ATRNL1: variants seen among roughly 807,000 people sequenced by gnomAD.
ATRNL1 encodes attractin like 1, also known as attractin-like protein 1.
In ATRNL1, 95 loss-of-function variants were observed where a neutral mutation model predicts 182.7. The ratio of observed to expected loss-of-function variants is 0.52; its 90% CI spans 0.44 to 0.62. The LOEUF is 0.62. ATRNL1 is among the 20% of genes least tolerant of loss of function. The pLI, the probability that ATRNL1 is intolerant of heterozygous loss-of-function variation, is 0.00. For missense variants in ATRNL1, 1,471 were observed against 1,679.5 expected, an observed-to-expected ratio of 0.88 and a Z score of 2.17; for synonymous variants, 576 against 568.3, an observed-to-expected ratio of 1.01 and a Z score of -0.19.
chr10:115,643,915 A>C (rs1335844672), intron 26 of ATRNL1, among the ~76,000 whole-genome samples: 1 of 152,200 alleles, frequency 6.6e-6, no homozygotes, highest in Non-Finnish European at 1.5e-5. Flanking sequence ...GGCAGTTTTT[A>C]AGTATAGTTA....
intron 19 of ATRNL1, among the ~76,000 whole-genome samples, chr10:115,347,464 T>C (rs534598828): frequency 7.9e-5 from 12 of 152,246 alleles, no homozygotes; most frequent in South Asian, 4.1e-4. Flanking sequence ...TTATAAAGCA[T>C]GGAAAGTAAA....
chr10:115,651,642 G>A lies in ATRNL1; in HGVS notation c.3796-75606G>A, dbSNP rs140461373. 2.4e-4 allele frequency among the ~76,000 whole-genome samples: 36 copies of A among 152,296 alleles called. No individual in the cohort carries two copies. In the East Asian group the frequency reaches 4.6e-3, roughly 20 times the overall value. On this transcript the variant is annotated intron_variant, in intron 26 of 28. Coordinates refer to ENST00000355044, the MANE Select transcript of ATRNL1 (RefSeq NM_207303.4). ...GAATTTAAAGAAAATGAAAATGTGA[G>A]CAAGGCATTCGTGAAACTAATACAG... is the stretch of plus-strand genomic sequence containing the variant.
chr10:115,309,133 G>GT (rs782026863), intron 17 of ATRNL1, among the ~76,000 whole-genome samples: 1 of 151,876 alleles, frequency 6.6e-6, no homozygotes, highest in Non-Finnish European at 1.5e-5. Context: ...ATTTTTCTAT[G>GT]TATCTACTTT....
At chr10:115,153,173 A>T (rs556371597) in intron 5 of ATRNL1, among the ~76,000 whole-genome samples, 152 of 152,240 alleles carry the variant, frequency 1.0e-3, no homozygotes, top group Non-Finnish European at 1.8e-3. Flanking sequence ...TTGGTCTAAA[A>T]TTCTCTTTTT....
At chr10:115,448,129 A>G (rs1307867253) in intron 21 of ATRNL1, among the ~76,000 whole-genome samples, 3 of 151,896 alleles carry the variant, frequency 2.0e-5, no homozygotes, top group African/African-American at 4.8e-5. Flanking sequence ...ACTAGTTTTA[A>G]TGTAATAAAT....
At chr10:115,813,255 T>G (rs1441971892) in intron 27 of ATRNL1, among the ~76,000 whole-genome samples, 5 of 152,038 alleles carry the variant, frequency 3.3e-5, no homozygotes, top group Non-Finnish European at 4.4e-5. Flanking sequence ...TAAATTAAAT[T>G]TTTAAAAAAT....
intron 18 of ATRNL1, among the ~76,000 whole-genome samples, chr10:115,329,023 T>G (rs1554934255): frequency 6.6e-6 from 1 of 151,716 alleles, no homozygotes; most frequent in Admixed American, 6.6e-5. Flanking sequence ...TATATTTTTA[T>G]TTTTTTTGAG....
chr10:115,324,454 T>C (rs1854765282), intron 18 of ATRNL1, among the ~76,000 whole-genome samples: 1 of 152,212 alleles, frequency 6.6e-6, no homozygotes, highest in Non-Finnish European at 1.5e-5. Flanking sequence ...TAACCTGGGT[T>C]GTGGATGTAT....
chr10:115,698,864 G>A (rs2133989909), intron 26 of ATRNL1, among the ~76,000 whole-genome samples: 1 of 152,028 alleles, frequency 6.6e-6, no homozygotes, highest in East Asian at 1.9e-4. Context: ...TCGTCTCAGT[G>A]CTTTTTGTAT....
At chr10:115,154,399 T>C (rs971570054) in intron 5 of ATRNL1, among the ~76,000 whole-genome samples, 11 of 152,168 alleles carry the variant, frequency 7.2e-5, no homozygotes, top group African/African-American at 2.4e-4. Context: ...TGTTCCTGTA[T>C]TGGGTGCATA....
At chr10:115,563,958 A>T (rs1853919148) in intron 26 of ATRNL1, among the ~76,000 whole-genome samples, 1 of 152,110 alleles carries the variant, frequency 6.6e-6, no homozygotes, top group Non-Finnish European at 1.5e-5. Flanking sequence ...TCATTAGATA[A>T]GTAATTCTGT....
rs991676848 is a variant in ATRNL1, at chr10:115,925,210, T to G, written c.4019-19448T>G. ...CTCTGCAAACAGAGACAATTTTACTTCCTCTCTTCCTATTTGAATACCCTT... is the reference window on the plus strand; with the variant it reads ...CTCTGCAAACAGAGACAATTTTACTGCCTCTCTTCCTATTTGAATACCCTT... On this transcript the variant is annotated intron_variant, in intron 28 of 28. Transcript: ENST00000355044. Among the ~76,000 whole-genome samples the G allele has an allele frequency of 6.0e-4, 91 of 152,192 alleles. 1 individual carries two copies. Among genetic ancestry groups the G allele is most frequent in the African/African-American group, 2.2e-3 (91 of 41,454 alleles).
chr10:115,549,991 T>TA (rs1222965615), intron 26 of ATRNL1, among the ~76,000 whole-genome samples: 2 of 151,808 alleles, frequency 1.3e-5, no homozygotes, highest in Non-Finnish European at 2.9e-5. Context: ...TTTTCCATTT[T>TA]CTGATTATCT....
At chr10:115,266,734 C>A in intron 11 of ATRNL1, 63 bp from the exon 12 acceptor site, 1 of 924,618 alleles carries the variant, frequency 1.1e-6, no homozygotes, top group Non-Finnish European at 1.7e-6. Flanking sequence ...ATTTTTATAA[C>A]TAAATCAGTA....
intron 5 of ATRNL1, among the ~76,000 whole-genome samples, chr10:115,147,102 AG>A (rs1846009183): frequency 6.6e-6 from 1 of 152,082 alleles, no homozygotes; most frequent in Admixed American, 6.6e-5. Context: ...CACTGTATTA[AG>A]AGTTCCCTTT....
chr10:115,193,415 A>T (rs1397600615), intron 8 of ATRNL1, among the ~76,000 whole-genome samples: 1 of 151,862 alleles, frequency 6.6e-6, no homozygotes, highest in Non-Finnish European at 1.5e-5. Flanking sequence ...TGTGTTATTG[A>T]CCTACTCAGG....
chr10:115,369,234 G>C (rs1023744607), intron 19 of ATRNL1, among the ~76,000 whole-genome samples: 5 of 142,446 alleles, frequency 3.5e-5, no homozygotes, highest in African/African-American at 1.3e-4. Flanking sequence ...GGGGATGGAG[G>C]ATTCTGTGAT....
chr10:115,465,929 A>C (rs1283212399), intron 22 of ATRNL1, among the ~76,000 whole-genome samples: 1 of 151,626 alleles, frequency 6.6e-6, no homozygotes, highest in African/African-American at 2.4e-5. Context: ...AACACTGTTA[A>C]GAGTTCTTCA....
intron 26 of ATRNL1, among the ~76,000 whole-genome samples, chr10:115,625,076 C>T (rs1858004599): frequency 6.6e-6 from 1 of 152,004 alleles, no homozygotes; most frequent in Middle Eastern, 3.2e-3. Flanking sequence ...CTGGCAGAAA[C>T]AAAAATTATA....
Sources: allele counts gnomAD v4.1 joint callset (sites outside exome capture counted in the v4.1 genomes callset), GRCh38; gene constraint gnomAD v4.1.1; transcripts MANE v1.5; gene names NCBI Gene and HGNC (gene_info 2026-07-23, HGNC 2026-07-21).